Variants in LRRIQ1 observed in about 807,000 individuals in gnomAD.
LRRIQ1 encodes leucine-rich repeat- and IQ domain-containing protein 1.
A neutral mutation model predicts 211.9 loss-of-function variants in LRRIQ1; 210 were observed. That is an observed-to-expected ratio of 0.99 (90% CI 0.89 to 1.11). The LOEUF (loss-of-function observed/expected upper bound fraction) is 1.11, where lower values mean the gene tolerates loss of function less well. Ranked by LOEUF, LRRIQ1 falls within the 50% of genes most tolerant of loss-of-function variation. LRRIQ1 has a pLI of 0.00. For missense variants in LRRIQ1, 2,136 were observed against 1,939.5 expected (o/e 1.10, Z -1.90); for synonymous variants, 699 against 650.1 (o/e 1.08, Z -1.14).
chr12:85,112,124 G>T (rs1418933150), intron 15 of LRRIQ1, among the ~76,000 whole-genome samples: 1 of 151,800 alleles, frequency 6.6e-6, no homozygotes, highest in East Asian at 1.9e-4. Flanking sequence ...AAGTATAAAA[G>T]TTTCCAGAGA....
intron 24 of LRRIQ1, among the ~76,000 whole-genome samples, chr12:85,188,464 A>C (rs1003376709): frequency 6.6e-6 from 1 of 152,192 alleles, no homozygotes; most frequent in Non-Finnish European, 1.5e-5. Context: ...GGCAAATAAT[A>C]TAAAAACCTT....
In LRRIQ1 at chr12:85,232,686, C is replaced by CTAT; in HGVS notation, c.4956-10_4956-9insTAT. Reference sequence around the variant, plus strand: ...ATTATAAAATACTTTCTGTTTTTGTCACTATGCAGCAATCACTTTTTGCCT... The same window carrying CTAT: ...ATTATAAAATACTTTCTGTTTTTGTCTATACTATGCAGCAATCACTTTTTGCCT... On this transcript the variant is annotated splice_polypyrimidine_tract_variant and intron_variant, in intron 25 of 26. Coordinates refer to ENST00000393217, the MANE Select transcript of LRRIQ1 (RefSeq NM_001079910.2). 1 of 1,606,010 alleles carries CTAT rather than the reference C, an allele frequency of 6.2e-7. No individual in the cohort carries two copies. The highest frequency in any genetic ancestry group is 8.5e-7 in the Non-Finnish European group (1 of 1,174,218).
chr12:85,139,074 A>G (rs763499951), intron 19 of LRRIQ1, among the ~76,000 whole-genome samples: 3 of 151,496 alleles, frequency 2.0e-5, no homozygotes, highest in Non-Finnish European at 3.0e-5. Context: ...AAACTGGGAC[A>G]TGTTGGCATT....
intron 15 of LRRIQ1, among the ~76,000 whole-genome samples, chr12:85,114,845 A>G (rs767167396): frequency 2.6e-5 from 4 of 152,158 alleles, no homozygotes; most frequent in Non-Finnish European, 4.4e-5. Flanking sequence ...CTGTAAATCT[A>G]TAAAATATGG....
chr12:85,220,795 T>TC (rs1286833185), intron 24 of LRRIQ1, among the ~76,000 whole-genome samples: 1 of 64,488 alleles, frequency 1.6e-5, no homozygotes, highest in Non-Finnish European at 3.0e-5. Flanking sequence ...CCCTCCCCCC[T>TC]CCCCCCTGTT....
intron 24 of LRRIQ1, among the ~76,000 whole-genome samples, chr12:85,204,987 C>T (rs1415195457): frequency 6.6e-6 from 1 of 152,090 alleles, no homozygotes; most frequent in Non-Finnish European, 1.5e-5. Context: ...AATTGTACTC[C>T]CATAATTCCT....
intron 1 of LRRIQ1, among the ~76,000 whole-genome samples, chr12:85,253,094 A>G (rs573008200): frequency 6.6e-6 from 1 of 152,148 alleles, no homozygotes; most frequent in South Asian, 2.1e-4. Flanking sequence ...TCTCTCTCTG[A>G]AAGCATTAAT....
chr12:85,250,807 T>C (rs1181085259), intron 1 of LRRIQ1, among the ~76,000 whole-genome samples: 1 of 86,970 alleles, frequency 1.1e-5, no homozygotes, highest in African/African-American at 3.9e-5. Context: ...TTATATATTA[T>C]ATTATATATA....
intron 15 of LRRIQ1, among the ~76,000 whole-genome samples, chr12:85,116,555 T>TC (rs1367711652): frequency 2.0e-5 from 3 of 152,200 alleles, no homozygotes; most frequent in Non-Finnish European, 4.4e-5. Flanking sequence ...TTTCTTTTTT[T>TC]CTGTTACTTT....
intron 8 of LRRIQ1, among the ~76,000 whole-genome samples, chr12:85,059,357 A>G (rs1422828915): frequency 6.6e-6 from 1 of 152,036 alleles, no homozygotes; most frequent in Non-Finnish European, 1.5e-5. Context: ...GTTACAATGA[A>G]GTTACATCCA....
At chr12:85,193,211 G>T in intron 24 of LRRIQ1, among the ~76,000 whole-genome samples, 1 of 129,660 alleles carries the variant, frequency 7.7e-6, no homozygotes, top group African/African-American at 2.9e-5. Flanking sequence ...GTACCTGAAA[G>T]TGATGGGGAG....
chr12:85,178,639 T>C (rs1472820078), intron 24 of LRRIQ1, among the ~76,000 whole-genome samples: 3 of 151,994 alleles, frequency 2.0e-5, no homozygotes, highest in African/African-American at 7.2e-5. Flanking sequence ...CCCCATAATT[T>C]ATCTTAGTCC....
At chr12:85,156,847 C>T in intron 23 of LRRIQ1, among the ~76,000 whole-genome samples, 1 of 151,752 alleles carries the variant, frequency 6.6e-6, no homozygotes, top group Middle Eastern at 3.4e-3. Context: ...TCAGAGAATA[C>T]AAACAATTAA....
At chr12:85,069,721 T>C (rs1882862537) in intron 10 of LRRIQ1, among the ~76,000 whole-genome samples, 1 of 152,176 alleles carries the variant, frequency 6.6e-6, no homozygotes, top group South Asian at 2.1e-4. Flanking sequence ...ATGTGTTTTT[T>C]GGCTGCATAA....
At chr12:85,103,909 T>C in intron 13 of LRRIQ1, 95 bp from the exon 14 acceptor site, 1 of 500,796 alleles carries the variant, frequency 2.0e-6, no homozygotes, top group Non-Finnish European at 3.4e-6. Flanking sequence ...AATTATATAA[T>C]TGTATTATAA....
chr12:85,148,301 C>T (rs552472297), intron 19 of LRRIQ1, among the ~76,000 whole-genome samples: 1 of 151,816 alleles, frequency 6.6e-6, no homozygotes, highest in East Asian at 2.0e-4. Context: ...CCTCTCCTTG[C>T]CTCCCCACCC....
Position 85,055,663 on chromosome 12 carries a change from T to G in LRRIQ1, c.870T>G (p.Ile290Met). 1 of 1,602,986 alleles carries G rather than the reference T, an allele frequency of 6.2e-7. No homozygotes were observed. Among genetic ancestry groups the G allele is most frequent in the Non-Finnish European group, 8.5e-7 (1 of 1,176,818 alleles). Residue 290 changes from isoleucine (I) to methionine (M), a missense_variant, in exon 8 of 27, where the codon ATT becomes ATG. By Grantham distance (10) the Ile-to-Met change is conservative. Coordinates refer to ENST00000393217, the MANE Select transcript of LRRIQ1 (RefSeq NM_001079910.2). ...LKQQNNAAVK[I>M]QAKYKAFVAY... The stretch of plus-strand genomic sequence containing the variant: ...AGCAGAATAATGCAGCTGTTAAAAT[T>G]CAAGCTAAATATAAAGCATTTGTTG...
At chr12:85,042,611 A>G (rs942475786) in intron 3 of LRRIQ1, among the ~76,000 whole-genome samples, 3 of 150,380 alleles carry the variant, frequency 2.0e-5, no homozygotes, top group Non-Finnish European at 4.4e-5. Context: ...ATTCATTCTT[A>G]TATGAATTAT....
At chr12:85,144,439 A>G (rs1436401124) in intron 19 of LRRIQ1, among the ~76,000 whole-genome samples, 1 of 151,628 alleles carries the variant, frequency 6.6e-6, no homozygotes, top group Non-Finnish European at 1.5e-5. Context: ...GATATAGAGC[A>G]TAGTGTTTAA....
Sources: gnomAD v4.1 joint callset for allele counts (sites outside exome capture counted in the v4.1 genomes callset) on GRCh38, gnomAD v4.1.1 for gene constraint, MANE v1.5 for transcripts, NCBI Gene and HGNC (gene_info 2026-07-23, HGNC 2026-07-21) for gene names.